CTCF: variants seen among roughly 807,000 people sequenced by gnomAD.
The protein encoded by CTCF is CCCTC-binding factor, also known as transcriptional repressor CTCF.
A neutral mutation model predicts 72.3 loss-of-function variants in CTCF; 7 were observed. That is an observed-to-expected ratio of 0.10 (90% CI 0.06 to 0.18). CTCF has a LOEUF of 0.18. CTCF is among the 10% of genes least tolerant of loss of function. CTCF has a pLI of 1.00. For missense variants in CTCF, 516 were observed against 949.1 expected, an observed-to-expected ratio of 0.54 and a Z score of 6.00; for synonymous variants, 374 against 315.8, an observed-to-expected ratio of 1.18 and a Z score of -1.95.
At chr16:67,604,447 A>G (rs1421557588) in intron 2 of CTCF, among the ~76,000 whole-genome samples, 2 of 152,252 alleles carry the variant, frequency 1.3e-5, no homozygotes, top group South Asian at 2.1e-4. Context: ...GGTTCACACC[A>G]TTCTCCTGCC....
intron 2 of CTCF, among the ~76,000 whole-genome samples, chr16:67,600,898 A>G (rs1439634985): frequency 6.6e-6 from 1 of 152,154 alleles, no homozygotes; most frequent in African/African-American, 2.4e-5. Context: ...TTTGGTGGCG[A>G]TATTGGTCCA....
At chr16:67,583,993 G>C (rs2051625820) in intron 2 of CTCF, among the ~76,000 whole-genome samples, 1 of 152,118 alleles carries the variant, frequency 6.6e-6, no homozygotes, top group East Asian at 1.9e-4. Context: ...TGATTTCTGG[G>C]TTACAGACAA....
chr16:67,631,154 G>GTTTTTTTTTTTTTTTTTTTTTTTTT (rs766362012), intron 10 of CTCF, among the ~76,000 whole-genome samples: 7 of 125,020 alleles, frequency 5.6e-5, no homozygotes, highest in African/African-American at 2.0e-4. Context: ...TTCTTTGTTT[G>GTTTTTTTTTTTTTTTTTTTTTTTTT]TTTTTTTTTT....
intron 2 of CTCF, among the ~76,000 whole-genome samples, chr16:67,605,967 T>A (rs2051968187): frequency 6.6e-6 from 1 of 152,190 alleles, no homozygotes; most frequent in Non-Finnish European, 1.5e-5. Context: ...GGGTGGTAAG[T>A]GCATCATGTA....
chr16:67,633,878 G>C (rs537374644), intron 10 of CTCF, among the ~76,000 whole-genome samples: 2 of 151,822 alleles, frequency 1.3e-5, no homozygotes, highest in African/African-American at 4.8e-5. Context: ...CATCTCCAAG[G>C]GTCCATTTCC....
intron 2 of CTCF, among the ~76,000 whole-genome samples, chr16:67,590,646 C>CT (rs1345236084): frequency 2.7e-5 from 4 of 150,698 alleles, no homozygotes; most frequent in Non-Finnish European, 4.4e-5. Flanking sequence ...CCTAACTGTT[C>CT]TTTTAAAAAT....
chr16:67,619,240 A>C (rs571601935), intron 5 of CTCF, among the ~76,000 whole-genome samples: 16 of 152,178 alleles, frequency 1.1e-4, no homozygotes, highest in Non-Finnish European at 1.3e-4. Flanking sequence ...GTTTGAGACC[A>C]GCCGGGCCAA....
chr16:67,597,415 C>T (rs964083646), intron 2 of CTCF, among the ~76,000 whole-genome samples: 1 of 152,060 alleles, frequency 6.6e-6, no homozygotes, highest in Non-Finnish European at 1.5e-5. Flanking sequence ...TCTTGACGCA[C>T]TACAACCTCC....
intron 2 of CTCF, among the ~76,000 whole-genome samples, chr16:67,593,422 TGTAA>T (rs1369014643): frequency 6.6e-6 from 1 of 152,168 alleles, no homozygotes; most frequent in East Asian, 1.9e-4. Context: ...AGCTTCCACT[TGTAA>T]GTGAGAACAT....
At chr16:67,604,663 AC>A (rs1482802416) in intron 2 of CTCF, among the ~76,000 whole-genome samples, 1 of 151,628 alleles carries the variant, frequency 6.6e-6, no homozygotes, top group Non-Finnish European at 1.5e-5. Context: ...AATTGATGAA[AC>A]CTTGAAATGA....
chr16:67,628,292 G>A (rs2142866217), intron 8 of CTCF, 78 bp from the exon 9 acceptor site: 2 of 1,363,034 alleles, frequency 1.5e-6, no homozygotes, highest in Non-Finnish European at 2.0e-6. Context: ...ATACCTGTTG[G>A]CCACATGCAT....
chr16:67,588,353 C>T (rs2051695837), intron 2 of CTCF, among the ~76,000 whole-genome samples: 1 of 152,108 alleles, frequency 6.6e-6, no homozygotes, highest in Non-Finnish European at 1.5e-5. Context: ...TCTCCTATTC[C>T]AAGTGATGAA....
At chr16:67,600,742 A>G (rs756525656) in intron 2 of CTCF, among the ~76,000 whole-genome samples, 2 of 152,168 alleles carry the variant, frequency 1.3e-5, no homozygotes, top group Non-Finnish European at 2.9e-5. Context: ...CATATATAGT[A>G]TGATTTCATA....
chr16:67,620,897 C>T, intron 6 of CTCF, 80 bp downstream of exon 6: 1 of 1,221,426 alleles, frequency 8.2e-7, no homozygotes, highest in Non-Finnish European at 1.1e-6. Context: ...CACTGTGTGT[C>T]CCCATTGTTT....
At chr16:67,636,569 G>GTATATATATATATATATATATATA (rs66893507) in intron 10 of CTCF, 121 bp from the exon 11 acceptor site, 21 of 234,550 alleles carry the variant, frequency 9.0e-5, no homozygotes, top group African/African-American at 5.2e-4. Context: ...GAAAGAAAGT[G>GTATATATATATATATATATATATA]TATATATATA....
At chr16:67,636,570 T>C in intron 10 of CTCF, 120 bp from the exon 11 acceptor site, 2 of 118,004 alleles carry the variant, frequency 1.7e-5, no homozygotes, top group Non-Finnish European at 2.9e-5. Flanking sequence ...AAAGAAAGTG[T>C]ATATATATAT....
At chr16:67,565,602 G>A (rs2051332873) in intron 1 of CTCF, among the ~76,000 whole-genome samples, 1 of 150,676 alleles carries the variant, frequency 6.6e-6, no homozygotes, top group Non-Finnish European at 1.5e-5. Flanking sequence ...GAACCTAGAA[G>A]GTGGAGGTTG....
intron 2 of CTCF, among the ~76,000 whole-genome samples, chr16:67,580,456 A>G (rs2051563556): frequency 6.6e-6 from 1 of 152,078 alleles, no homozygotes; most frequent in African/African-American, 2.4e-5. Flanking sequence ...CCCTCCTCCC[A>G]GGCCATCCAA....
intron 3 of CTCF, 82 bp from the exon 4 acceptor site, chr16:67,611,869 T>G (rs1219480838): frequency 2.4e-6 from 3 of 1,269,192 alleles, no homozygotes; most frequent in Non-Finnish European, 3.4e-6. Flanking sequence ...GCTAATCAAA[T>G]ATATTTGTAG....
Sources: allele counts gnomAD v4.1 joint callset (sites outside exome capture counted in the v4.1 genomes callset), GRCh38; gene constraint gnomAD v4.1.1; transcripts MANE v1.5; gene names NCBI Gene and HGNC (gene_info 2026-07-23, HGNC 2026-07-21).